LRIG2: variants seen among roughly 807,000 people sequenced by gnomAD.
The protein encoded by LRIG2 is leucine-rich repeats and immunoglobulin-like domains protein 2.
Under a neutral mutation model 107.8 loss-of-function variants are expected in LRIG2, and 93 were observed. The observed-to-expected ratio is 0.86, with a 90% CI of 0.73 to 1.03. LRIG2 has a LOEUF of 1.03. Among genes scored for constraint, LRIG2 ranks in the 50% least tolerant of loss-of-function variants. The pLI is 0.00. For missense variants in LRIG2, 1,226 were observed against 1,296.0 expected (o/e 0.95, Z 0.83); for synonymous variants, 471 against 470.6 (o/e 1.00, Z -0.01).
At chr1:113,102,854 AAAATT>A (rs1654363820) in intron 11 of LRIG2, among the ~76,000 whole-genome samples, 1 of 152,194 alleles carries the variant, frequency 6.6e-6, no homozygotes, top group African/African-American at 2.4e-5. Context: ...AATAAAAACT[AAAATT>A]AAAATGTTAT....
chr1:113,082,596 A>C (rs926987969), intron 1 of LRIG2, among the ~76,000 whole-genome samples: 1 of 152,132 alleles, frequency 6.6e-6, no homozygotes, highest in African/African-American at 2.4e-5. Flanking sequence ...AGTGAGAGAG[A>C]GAGTTGTGTA....
At chr1:113,107,020 A>G (rs933494730) in intron 11 of LRIG2, among the ~76,000 whole-genome samples, 2 of 151,788 alleles carry the variant, frequency 1.3e-5, no homozygotes, top group Non-Finnish European at 1.5e-5. Context: ...AATTTGTTCT[A>G]TTTCCCTCCC....
rs755662472 is a variant in LRIG2 at position 113,112,773 on chromosome 1, C to T, written c.2080+13C>T. The T allele has an allele frequency of 5.7e-6, 9 of 1,576,886 alleles. No individual in the cohort carries two copies. The Admixed American group carries it at 1.2e-4, about 21-fold the overall frequency. ...CTAACAGTGTTAGGTACGTTTACTG[C>T]TCCATGGGTCCCTGCTTTTGTTGGA... On this transcript the variant is annotated intron_variant, in intron 14 of 17. Transcript: ENST00000361127.
Position 113,091,383 on chromosome 1 carries a change from T to C in LRIG2, c.305T>C (p.Val102Ala), listed in dbSNP as rs760283579. The change falls in exon 2 of 18, where the codon GTG becomes GCG. Residue 102 changes from valine (V) to alanine (A), a missense_variant and splice_region_variant. Around this residue, in one of 3 missense-constraint regions of LRIG2, gnomAD observed 570 missense variants for 550.2 expected, o/e 1.04. Coordinates refer to ENST00000361127, the MANE Select transcript of LRIG2 (RefSeq NM_014813.3). ...ISLESQTLQE[V>A]KMNYNELTEI... The stretch of plus-strand genomic sequence containing the variant: ...TTGGAATCACAAACATTACAGGAAG[T>C]GTAAGTTATTTTTATTTATTTAAAG... 4.5e-6 allele frequency: 7 copies of C among 1,569,224 alleles called. No individual in the cohort carries two copies. The African/African-American group carries it at 6.8e-5, about 15-fold the overall frequency.
chr1:113,110,682 C>T, intron 13 of LRIG2, 120 bp downstream of exon 13: 1 of 763,110 alleles, frequency 1.3e-6, no homozygotes, highest in South Asian at 1.9e-5. Flanking sequence ...CTGTTATTGT[C>T]TTTTGAGTTG....
At position 113,098,736 on chromosome 1, in the gene LRIG2, A is replaced by G. The variant is rs1310308798; in HGVS notation, c.1123A>G (p.Ile375Val). 4 of 1,613,126 alleles carry G rather than the reference A, an allele frequency of 2.5e-6. No homozygotes were observed. Among genetic ancestry groups the G allele is most frequent in the Non-Finnish European group, 3.4e-6 (4 of 1,179,196 alleles). The change falls in exon 9 of 18, where the codon ATA becomes GTA. Residue 375 changes from isoleucine (I) to valine (V), a missense_variant. By Grantham distance (29) the Ile-to-Val change is conservative. Around this residue, in one of 3 missense-constraint regions of LRIG2, gnomAD observed 570 missense variants for 550.2 expected, o/e 1.04. Transcript: ENST00000361127. The part of the protein sequence containing the change: ...DLRNNEISWA[I>V]EDASEAFAGL... ...AAGAAACAATGAAATTTCATGGGCC[A>G]TAGAAGATGCTAGTGAAGCCTTTGC...
At chr1:113,084,823 G>C (rs1308880350) in intron 1 of LRIG2, among the ~76,000 whole-genome samples, 1 of 152,148 alleles carries the variant, frequency 6.6e-6, no homozygotes, top group Non-Finnish European at 1.5e-5. Context: ...ATTAAGTAAA[G>C]GCTTAGCAAA....
Position 113,114,961 on chromosome 1 carries a change from G to A in LRIG2, c.2530+85G>A, listed in dbSNP as rs1654943011. ...TTAATTGTACAATATAAAAAACTGA[G>A]AGCTGGTCATAGTAGCACATGCCTG... On this transcript the variant is annotated intron_variant, in intron 15 of 17. Coordinates refer to ENST00000361127, the MANE Select transcript of LRIG2 (RefSeq NM_014813.3). 3.4e-6 allele frequency: 4 copies of A among 1,182,900 alleles called. No homozygotes were observed. In the South Asian group the frequency reaches 5.9e-5, roughly 18 times the overall value. 73.3% of individuals were successfully genotyped at this position (1,182,900 alleles called of 1,614,324 possible). A position where few individuals can be genotyped will look rare whatever the true frequency, so the allele number is the denominator to read the frequency against.
At chr1:113,122,181 C>T (rs1483307702) in intron 17 of LRIG2, among the ~76,000 whole-genome samples, 1 of 144,864 alleles carries the variant, frequency 6.9e-6, no homozygotes, top group African/African-American at 2.5e-5. Context: ...TTTCCGGGTT[C>T]AAGCGAGTCT....
In LRIG2 at chr1:113,107,928, A is replaced by C. The variant is rs1012203416; in HGVS notation, c.1477+171A>C. The C allele has an allele frequency of 2.3e-5, 14 of 602,104 alleles. No individual in the cohort carries two copies. In the African/African-American group the frequency reaches 2.7e-4, roughly 12 times the overall value. The allele number at this position is 602,104 out of a possible 1,614,324, so 37.3% of individuals were successfully genotyped here. On this transcript the variant is annotated intron_variant, in intron 12 of 17. Coordinates refer to ENST00000361127, the MANE Select transcript of LRIG2 (RefSeq NM_014813.3). ...ATGAATGAAGGCTTTTCTCTTTTAG[A>C]GGGACTGTTAACCTTAGGTTAGGTA... is the stretch of plus-strand genomic sequence containing the variant.
chr1:113,089,173 A>G (rs550312022), intron 1 of LRIG2, among the ~76,000 whole-genome samples: 15 of 152,360 alleles, frequency 9.8e-5, no homozygotes, highest in African/African-American at 2.6e-4. Context: ...TCAACTGCCT[A>G]TGGTGGCATA....
At chr1:113,093,816 T>A (rs1245641318) in intron 4 of LRIG2, among the ~76,000 whole-genome samples, 1 of 152,208 alleles carries the variant, frequency 6.6e-6, no homozygotes, top group Non-Finnish European at 1.5e-5. Flanking sequence ...AGCACATGTT[T>A]ATTATTCATC....
chr1:113,073,690 T>A, intron 1 of LRIG2, 45 bp downstream of exon 1: 1 of 1,557,196 alleles, frequency 6.4e-7, no homozygotes, highest in Non-Finnish European at 8.8e-7. Context: ...AGGGGGAGCC[T>A]TCCCTCTACA....
In LRIG2 at chr1:113,091,369, A is replaced by C; in HGVS notation, c.291A>C (p.Gln97His). The C allele has an allele frequency of 6.3e-7, 1 of 1,597,258 alleles. No homozygotes were observed. The highest frequency in any genetic ancestry group is 8.6e-7 in the Non-Finnish European group (1 of 1,168,960). ...ACTGGAACATCAGCTTGGAATCACAAACATTACAGGAAGTGTAAGTTATTT... is the reference window on the plus strand; with the variant it reads ...ACTGGAACATCAGCTTGGAATCACACACATTACAGGAAGTGTAAGTTATTT... ...LSNWNISLES[Q>H]TLQEVKMNYN... Residue 97 changes from glutamine (Q) to histidine (H), a missense_variant, in exon 2 of 18, where the codon CAA becomes CAC. Physicochemically the swap from Gln to His is conservative, Grantham distance 24. Transcript: ENST00000361127.
rs118097397 is a variant in LRIG2 at position 113,100,820 on chromosome 1, C to G, written c.1313+332C>G. On this transcript the variant is annotated intron_variant, in intron 11 of 17. Coordinates refer to ENST00000361127, the MANE Select transcript of LRIG2 (RefSeq NM_014813.3). ...AAACATGTGTTACCAGTTCTTAACA[C>G]CTTGTGTGGGTTACAATAAAGGTAT... The G allele has an allele frequency of 2.0e-4, 37 of 184,910 alleles. No homozygotes were observed. In the East Asian group the frequency reaches 4.6e-3, roughly 23 times the overall value. 11.5% of individuals were successfully genotyped at this position (184,910 alleles called of 1,614,324 possible). A position where few individuals can be genotyped will look rare whatever the true frequency, so the allele number is the denominator to read the frequency against.
chr1:113,102,534 T>C (rs1654352039), intron 11 of LRIG2, among the ~76,000 whole-genome samples: 1 of 152,088 alleles, frequency 6.6e-6, no homozygotes. Context: ...CCTCCCAAAG[T>C]GCTGGGATTA....
intron 1 of LRIG2, among the ~76,000 whole-genome samples, chr1:113,082,121 A>T (rs1484374483): frequency 6.6e-6 from 1 of 152,232 alleles, no homozygotes; most frequent in East Asian, 1.9e-4. Context: ...TTTCACTTGC[A>T]ACAGTCATTT....
chr1:113,086,968 G>A (rs368535182), intron 1 of LRIG2, among the ~76,000 whole-genome samples: 2 of 152,278 alleles, frequency 1.3e-5, no homozygotes, highest in East Asian at 3.9e-4. Context: ...AACATAGGGA[G>A]ACCCCATTTC....
chr1:113,107,538 G>A, intron 11 of LRIG2, 56 bp from the exon 12 acceptor site: 1 of 1,514,194 alleles, frequency 6.6e-7, no homozygotes, highest in Non-Finnish European at 9.0e-7. Flanking sequence ...TAATACTGAA[G>A]ACGTTTAGAA....
Sources: gnomAD v4.1 joint callset for allele counts (sites outside exome capture counted in the v4.1 genomes callset) on GRCh38, gnomAD v4.1.1 for gene constraint, gnomAD v4.1.1 regional missense constraint, MANE v1.5 for transcripts, NCBI Gene and HGNC (gene_info 2026-07-23, HGNC 2026-07-21) for gene names.